The following MCF2L2 variants were observed in gnomAD, a reference collection of about 807,000 sequenced individuals.
The protein encoded by MCF2L2 is MCF.2 cell line derived transforming sequence-like 2.
Under a neutral mutation model 150.2 loss-of-function variants are expected in MCF2L2, and 102 were observed. The observed-to-expected ratio is 0.68, with a 90% CI of 0.58 to 0.80. The LOEUF (loss-of-function observed/expected upper bound fraction) is 0.80, where lower values mean the gene tolerates loss of function less well. Among genes scored for constraint, MCF2L2 ranks in the 30% least tolerant of loss-of-function variants. The probability of loss-of-function intolerance (pLI) is 0.00; values close to 1 mark genes in which losing one functional copy is unlikely to be tolerated. For missense variants in MCF2L2, 1,256 were observed against 1,372.8 expected, an observed-to-expected ratio of 0.91 and a Z score of 1.34; for synonymous variants, 465 against 491.3, an observed-to-expected ratio of 0.95 and a Z score of 0.71.
intron 24 of MCF2L2, 76 bp downstream of exon 24, chr3:183,206,046 A>G (rs1302649110): frequency 6.4e-7 from 1 of 1,557,658 alleles, no homozygotes; most frequent in Non-Finnish European, 8.9e-7. Context: ...CTAATGAGAT[A>G]GAAAACACTT....
intron 15 of MCF2L2, among the ~76,000 whole-genome samples, chr3:183,269,058 C>CTGTG (rs1443107449): frequency 2.0e-5 from 3 of 151,960 alleles, no homozygotes; most frequent in African/African-American, 7.3e-5. Flanking sequence ...CCTGCCTTGT[C>CTGTG]TGGGGCAAGC....
rs143022398 is a variant in MCF2L2, at chr3:183,187,330, C to G, written c.3016+5669G>C. ...TTCCTCTGTTAGCTCTGAGGTACAACAGTTATTCTCATTTTTATGTCTTTC... is the reference window on the plus strand; with the variant it reads ...TTCCTCTGTTAGCTCTGAGGTACAAGAGTTATTCTCATTTTTATGTCTTTC... On this transcript the variant is annotated intron_variant, in intron 27 of 29. Transcript: ENST00000328913. 9.9e-5 allele frequency among the ~76,000 whole-genome samples: 15 copies of G among 152,276 alleles called. No homozygotes were observed. In the East Asian group the frequency reaches 2.9e-3, roughly 29 times the overall value.
chr3:183,329,951 A>AGGGGCC (rs1730199257), intron 5 of MCF2L2, among the ~76,000 whole-genome samples: 1 of 152,102 alleles, frequency 6.6e-6, no homozygotes. Context: ...AACACAGAAA[A>AGGGGCC]GGGGCCGGGG....
chr3:183,396,422 G>A (rs763300023), intron 1 of MCF2L2, among the ~76,000 whole-genome samples: 3 of 152,138 alleles, frequency 2.0e-5, no homozygotes, highest in Non-Finnish European at 4.4e-5. Context: ...CAGTCCAATA[G>A]AACCAAGCAT....
chr3:183,428,043 A>G lies in MCF2L2; in HGVS notation c.-66T>C. ...ACTGTTTCTACCGCTGCGGTGGATG[A>G]TTTTTTAAAGGCATCTCCGCCCAAG... On this transcript the variant is annotated 5_prime_UTR_variant, in exon 1 of 30. Coordinates refer to ENST00000328913, the MANE Select transcript of MCF2L2 (RefSeq NM_015078.4). This position sits in a 1 kb window ranked among gnomAD's most constrained non-coding sequence, Gnocchi z 5.1. 7.8e-7 allele frequency: 1 copy of G among 1,288,590 alleles called. No homozygotes were observed. Among genetic ancestry groups the G allele is most frequent in the African/African-American group, 1.5e-5 (1 of 68,190 alleles). The allele number at this position is 1,288,590 out of a possible 1,614,324, so 79.8% of individuals were successfully genotyped here. A position where few individuals can be genotyped will look rare whatever the true frequency, so the allele number is the denominator to read the frequency against.
chr3:183,269,229 G>GGTTTTTTTTTTTTTTT (rs1305607255), intron 15 of MCF2L2, among the ~76,000 whole-genome samples: 3 of 77,022 alleles, frequency 3.9e-5, no homozygotes, highest in Non-Finnish European at 6.5e-5. Flanking sequence ...CGTTTGGGAA[G>GGTTTTTTTTTTTTTTT]CTTTTTTTTT....
At chr3:183,269,752 C>G in intron 15 of MCF2L2, 1 of 1,528,982 alleles carries the variant, frequency 6.5e-7, no homozygotes, top group Non-Finnish European at 8.8e-7. Context: ...CGAAGAAGCC[C>G]GTGCCTGTTT....
intron 14 of MCF2L2, chr3:183,287,701 G>A (rs544223768): frequency 5.3e-5 from 8 of 152,278 alleles, no homozygotes; most frequent in Admixed American, 3.3e-4. Flanking sequence ...TATGGACAGC[G>A]GTGGCTACGT....
At chr3:183,416,399 G>A (rs1394781544) in intron 1 of MCF2L2, among the ~76,000 whole-genome samples, 1 of 152,098 alleles carries the variant, frequency 6.6e-6, no homozygotes, top group East Asian at 1.9e-4. Flanking sequence ...TCCAAATGCA[G>A]CTTTTCTCCT....
At chr3:183,408,373 G>A (rs1355126205) in intron 1 of MCF2L2, among the ~76,000 whole-genome samples, 2 of 152,146 alleles carry the variant, frequency 1.3e-5, no homozygotes, top group Non-Finnish European at 2.9e-5. Flanking sequence ...CCATTAGACC[G>A]CAGGCTCCAG....
chr3:183,233,924 A>G (rs539254256), intron 15 of MCF2L2, among the ~76,000 whole-genome samples: 2 of 152,306 alleles, frequency 1.3e-5, no homozygotes, highest in Non-Finnish European at 2.9e-5. Context: ...TTTTGTGTCT[A>G]TTTATAAATA....
intron 1 of MCF2L2, among the ~76,000 whole-genome samples, chr3:183,427,605 A>C (rs1716233145): frequency 6.6e-6 from 1 of 151,692 alleles, no homozygotes; most frequent in South Asian, 2.1e-4. Flanking sequence ...CTCCCGTCAG[A>C]AGCAGCTAAC....
intron 3 of MCF2L2, among the ~76,000 whole-genome samples, chr3:183,370,283 T>C (rs1171352698): frequency 6.6e-6 from 1 of 152,246 alleles, no homozygotes; most frequent in African/African-American, 2.4e-5. Flanking sequence ...TTCTACACTG[T>C]CGTGTGGAAC....
At chr3:183,294,192 C>A (rs1387280255) in intron 13 of MCF2L2, among the ~76,000 whole-genome samples, 1 of 152,074 alleles carries the variant, frequency 6.6e-6, no homozygotes, top group Non-Finnish European at 1.5e-5. Flanking sequence ...GTAATCAGGA[C>A]CATGTGGGAT....
chr3:183,299,916 A>T, intron 11 of MCF2L2, 89 bp downstream of exon 11: 1 of 1,385,708 alleles, frequency 7.2e-7, no homozygotes, highest in Non-Finnish European at 1.0e-6. Context: ...GCCTCTCAGC[A>T]ATCACACAAG....
At chr3:183,397,147 CAT>C (rs1411554569) in intron 1 of MCF2L2, among the ~76,000 whole-genome samples, 1 of 152,142 alleles carries the variant, frequency 6.6e-6, no homozygotes, top group Non-Finnish European at 1.5e-5. Context: ...TATATTGAAA[CAT>C]GTTTAACCAC....
intron 21 of MCF2L2, among the ~76,000 whole-genome samples, chr3:183,219,214 T>C (rs796240024): frequency 2.0e-5 from 3 of 152,276 alleles, no homozygotes; most frequent in African/African-American, 7.2e-5. Context: ...GAAGAAAACA[T>C]AATCCTACCA....
chr3:183,297,085 A>G lies in MCF2L2; in HGVS notation c.1388T>C (p.Ile463Thr), dbSNP rs777376600. The change falls in exon 12 of 30, where the codon ATC becomes ACC. Residue 463 changes from isoleucine to threonine, a missense_variant. Transcript: ENST00000328913. The part of the protein sequence containing the change: ...DKCQSREGVD[I>T]ALNDIATFLG... Reference sequence around the variant, plus strand: ...GAATGTCGCAATGTCGTTCAAGGCGATATCAACCCCTTCTCGAGACTGGCA... The same window carrying G: ...GAATGTCGCAATGTCGTTCAAGGCGGTATCAACCCCTTCTCGAGACTGGCA... The G allele has an allele frequency of 3.8e-5, 61 of 1,614,042 alleles. No homozygotes were observed. The highest frequency in any genetic ancestry group is 4.8e-5 in the Non-Finnish European group (57 of 1,180,040).
At chr3:183,421,199 T>A (rs1187478378) in intron 1 of MCF2L2, among the ~76,000 whole-genome samples, 1 of 152,216 alleles carries the variant, frequency 6.6e-6, no homozygotes, top group African/African-American at 2.4e-5. Flanking sequence ...TTCTTTGATG[T>A]ACAATGTTTT....
Sources: allele counts gnomAD v4.1 joint callset (sites outside exome capture counted in the v4.1 genomes callset), GRCh38; gene constraint gnomAD v4.1.1; non-coding constraint Gnocchi (gnomAD v3.1); transcripts MANE v1.5; gene names NCBI Gene and HGNC (gene_info 2026-07-23, HGNC 2026-07-21).